LPP: variants seen among roughly 807,000 people sequenced by gnomAD.
The protein encoded by LPP is LIM domain containing preferred translocation partner in lipoma.
A neutral mutation model predicts 60.4 loss-of-function variants in LPP; 38 were observed. The observed-to-expected ratio is 0.63, with a 90% CI of 0.49 to 0.83. LPP has a LOEUF of 0.83. Ranked by LOEUF, LPP falls within the 40% of genes least tolerant of loss-of-function variation. The probability of loss-of-function intolerance (pLI) is 0.00; values close to 1 mark genes in which losing one functional copy is unlikely to be tolerated. For synonymous variants in LPP, 328 were observed against 290.8 expected (o/e 1.13, Z -1.30); for missense variants, 902 against 783.6 (o/e 1.15, Z -1.80).
intron 8 of LPP, among the ~76,000 whole-genome samples, chr3:188,747,630 A>G (rs1220611449): frequency 2.6e-5 from 4 of 152,140 alleles, no homozygotes; most frequent in Non-Finnish European, 5.9e-5. Context: ...AGAGAGAGGA[A>G]TTTTTCCAGG....
At chr3:188,488,259 GTT>G (rs1807205323) in intron 5 of LPP, among the ~76,000 whole-genome samples, 1 of 152,054 alleles carries the variant, frequency 6.6e-6, no homozygotes, top group Non-Finnish European at 1.5e-5. Flanking sequence ...TGATGCCGGA[GTT>G]TTGCTTGGCT....
intron 2 of LPP, among the ~76,000 whole-genome samples, chr3:188,318,375 T>C (rs1238158282): frequency 6.6e-6 from 1 of 150,518 alleles, no homozygotes; most frequent in Non-Finnish European, 1.5e-5. Context: ...AGTACCTTTG[T>C]TGAAGAGAAA....
Position 188,872,645 on chromosome 3 carries a change from A to G in LPP, c.1592A>G (p.Lys531Arg). The G allele has an allele frequency of 6.2e-7, 1 of 1,614,030 alleles. No homozygotes were observed. The change falls in exon 11 of 12, where the codon AAA becomes AGA. Residue 531 changes from lysine to arginine, a missense_variant and splice_region_variant. Coordinates refer to ENST00000617246, the MANE Select transcript of LPP (RefSeq NM_001375462.1). ...CAGAACTCTCTCTTCACTTTCAGGAAATTTGCCCCGCGATGTTCTGTGTGC... is the reference window on the plus strand; with the variant it reads ...CAGAACTCTCTCTTCACTTTCAGGAGATTTGCCCCGCGATGTTCTGTGTGC... The part of the protein sequence containing the change: ...LIHCIEDFHK[K>R]FAPRCSVCKE...
intron 3 of LPP, among the ~76,000 whole-genome samples, chr3:188,357,336 A>T (rs1273281343): frequency 1.3e-5 from 2 of 152,220 alleles, no homozygotes; most frequent in Non-Finnish European, 2.9e-5. Context: ...CTCAGGAATC[A>T]AACTATGGGA....
intron 7 of LPP, among the ~76,000 whole-genome samples, chr3:188,678,539 C>T (rs745698390): frequency 6.6e-6 from 1 of 152,224 alleles, no homozygotes; most frequent in Non-Finnish European, 1.5e-5. Context: ...CCTAAAGACA[C>T]GCAGTTCTCA....
intron 3 of LPP, among the ~76,000 whole-genome samples, chr3:188,396,820 C>A (rs1781064288): frequency 6.6e-6 from 1 of 150,652 alleles, no homozygotes; most frequent in Admixed American, 6.6e-5. Context: ...TGCTAAGGAG[C>A]CCGTTTTTTT....
At chr3:188,290,025 A>T (rs1197438843) in intron 2 of LPP, among the ~76,000 whole-genome samples, 1 of 151,844 alleles carries the variant, frequency 6.6e-6, no homozygotes, top group Non-Finnish European at 1.5e-5. Flanking sequence ...GTCTTACCCT[A>T]TCGCCCAGGA....
intron 2 of LPP, among the ~76,000 whole-genome samples, chr3:188,285,787 C>T (rs1242530536): frequency 6.6e-6 from 1 of 152,188 alleles, no homozygotes; most frequent in Non-Finnish European, 1.5e-5. Flanking sequence ...TTAAGTATCA[C>T]TTTGGTTTGA....
At chr3:188,365,080 T>C (rs1177617646) in intron 3 of LPP, among the ~76,000 whole-genome samples, 2 of 152,006 alleles carry the variant, frequency 1.3e-5, no homozygotes, top group Admixed American at 1.3e-4. Flanking sequence ...TTATGTTTTT[T>C]TCCTCTCTCA....
chr3:188,647,706 C>A (rs897939663), intron 7 of LPP, among the ~76,000 whole-genome samples: 6 of 152,210 alleles, frequency 3.9e-5, no homozygotes, highest in Non-Finnish European at 8.8e-5. Flanking sequence ...AGCATCTGAG[C>A]ACCTGAGCTT....
chr3:188,729,095 T>C (rs1295223567), intron 8 of LPP, among the ~76,000 whole-genome samples: 1 of 152,158 alleles, frequency 6.6e-6, no homozygotes, highest in African/African-American at 2.4e-5. Flanking sequence ...GATGTCTTCA[T>C]GAAGGAATAA....
chr3:188,809,647 G>A (rs1750292142), intron 9 of LPP, among the ~76,000 whole-genome samples: 1 of 152,098 alleles, frequency 6.6e-6, no homozygotes, highest in African/African-American at 2.4e-5. Flanking sequence ...TCACTCTGAT[G>A]ATAGTTTATT....
rs60989319 is a variant in LPP at position 188,804,243 on chromosome 3, TTATATATATATA to T, written c.1410+43990_1410+44001del. On this transcript the variant is annotated intron_variant, in intron 9 of 11. Coordinates refer to ENST00000617246, the MANE Select transcript of LPP (RefSeq NM_001375462.1). ...ATTATGTTTTCAATGTAGTGCATCTTTATATATATATATATATATATATATATATATATATAT... is the reference window on the plus strand; with the variant it reads ...ATTATGTTTTCAATGTAGTGCATCTTTATATATATATATATATATATATAT... Among the ~76,000 whole-genome samples the T allele has an allele frequency of 7.0e-3, 264 of 37,708 alleles. 12 individuals carry two copies. Among genetic ancestry groups the T allele is most frequent in the African/African-American group, 0.024 (211 of 8,842 alleles). 24.7% of individuals were successfully genotyped at this position (37,708 alleles called of 152,430 possible). A position where few individuals can be genotyped will look rare whatever the true frequency, so the allele number is the denominator to read the frequency against.
chr3:188,202,577 C>T (rs1451153074), intron 1 of LPP, among the ~76,000 whole-genome samples: 3 of 152,202 alleles, frequency 2.0e-5, no homozygotes, highest in Non-Finnish European at 2.9e-5. Context: ...ACAAGGTTCA[C>T]GCGCTATGAC....
chr3:188,169,755 G>C (rs890425885), intron 1 of LPP, among the ~76,000 whole-genome samples: 1 of 152,128 alleles, frequency 6.6e-6, no homozygotes, highest in African/African-American at 2.4e-5. Context: ...ATATGCTTTG[G>C]GGAAAGCTGC....
chr3:188,550,510 G>A (rs557476569), intron 6 of LPP, among the ~76,000 whole-genome samples: 6 of 148,248 alleles, frequency 4.0e-5, no homozygotes, highest in Admixed American at 6.8e-5. Flanking sequence ...CCTGAGAGGC[G>A]GAGGTTGCGG....
chr3:188,797,241 A>C (rs887176789), intron 9 of LPP, among the ~76,000 whole-genome samples: 1 of 152,114 alleles, frequency 6.6e-6, no homozygotes, highest in Non-Finnish European at 1.5e-5. Context: ...GACAGAAGTC[A>C]ATAGCGTGAG....
At chr3:188,479,950 C>T (rs1413317853) in intron 4 of LPP, among the ~76,000 whole-genome samples, 2 of 152,136 alleles carry the variant, frequency 1.3e-5, no homozygotes, top group Admixed American at 6.5e-5. Flanking sequence ...GTTATCTTCA[C>T]CCTCTGATGG....
chr3:188,289,374 A>AT (rs1220702725), intron 2 of LPP, among the ~76,000 whole-genome samples: 2 of 152,140 alleles, frequency 1.3e-5, no homozygotes, highest in Non-Finnish European at 1.5e-5. Flanking sequence ...CTCTAGTAGG[A>AT]TTTTTGCTTA....
Sources: gnomAD v4.1 joint callset for allele counts (sites outside exome capture counted in the v4.1 genomes callset) on GRCh38, gnomAD v4.1.1 for gene constraint, MANE v1.5 for transcripts, NCBI Gene and HGNC (gene_info 2026-07-23, HGNC 2026-07-21) for gene names.